Variants in NBAS observed in about 807,000 individuals in gnomAD.
NBAS encodes the protein NBAS subunit of NRZ tethering complex.
In NBAS, 219 loss-of-function variants were observed where a neutral mutation model predicts 302.5. The ratio of observed to expected loss-of-function variants is 0.72; its 90% CI spans 0.65 to 0.81. The LOEUF (loss-of-function observed/expected upper bound fraction) is 0.81, where lower values mean the gene tolerates loss of function less well. Among genes scored for constraint, NBAS ranks in the 30% least tolerant of loss-of-function variants. The probability of loss-of-function intolerance (pLI) is 0.00; values close to 1 mark genes in which losing one functional copy is unlikely to be tolerated. For synonymous variants in NBAS, 1,118 were observed against 1,021.6 expected (o/e 1.09, Z -1.80); for missense variants, 2,932 against 2,841.6 (o/e 1.03, Z -0.72).
At chr2:15,098,606 GTATATAATGTATTATATATTGTATAT>G in the NBAS span, among the ~76,000 whole-genome samples, 1 of 88,228 alleles carries the variant, frequency 1.1e-5, no homozygotes, top group Non-Finnish European at 2.1e-5. Flanking sequence ...ATTATATATT[GTATATAATGTATTATATATTGTATAT>G]TATATATTAT....
chr2:14,913,428 C>A, the NBAS span, among the ~76,000 whole-genome samples: 2 of 152,046 alleles, frequency 1.3e-5, no homozygotes, highest in Non-Finnish European at 2.9e-5. Context: ...GAGCCCATGC[C>A]TGAAATCATA....
intron 9 of NBAS, among the ~76,000 whole-genome samples, chr2:15,515,132 T>C (rs757762260): frequency 2.0e-5 from 3 of 152,048 alleles, no homozygotes; most frequent in Non-Finnish European, 2.9e-5. Flanking sequence ...TGAATCAACA[T>C]CTTCACAAAA....
At position 15,423,344 on chromosome 2, in the gene NBAS, A is replaced by G. The variant is rs1572826979; in HGVS notation, c.2577+971T>C. Among the ~76,000 whole-genome samples, 4 of 152,304 alleles carry G rather than the reference A, an allele frequency of 2.6e-5. No homozygotes were observed. In the South Asian group the frequency reaches 8.3e-4, roughly 32 times the overall value. On this transcript the variant is annotated intron_variant, in intron 23 of 51. Coordinates refer to ENST00000281513, the MANE Select transcript of NBAS (RefSeq NM_015909.4). Reference sequence around the variant, plus strand: ...AAGAGTTTAGTCTAGAATATTCCCAACAGCTCAGCAAATAATTCATCTTCA... The same window carrying G: ...AAGAGTTTAGTCTAGAATATTCCCAGCAGCTCAGCAAATAATTCATCTTCA...
chr2:14,836,337 T>A, the NBAS span, among the ~76,000 whole-genome samples: 1 of 151,808 alleles, frequency 6.6e-6, no homozygotes, highest in Non-Finnish European at 1.5e-5. Flanking sequence ...ATGCTTTTTG[T>A]GTCTAGGTTT....
chr2:15,239,806 C>CA (rs1667781693), intron 44 of NBAS, among the ~76,000 whole-genome samples: 2 of 151,896 alleles, frequency 1.3e-5, no homozygotes, highest in Non-Finnish European at 2.9e-5. Flanking sequence ...TTCAGTGACA[C>CA]GCATCAGATT....
At chr2:15,287,328 G>A (rs1670091051) in intron 41 of NBAS, 145 bp from the exon 42 acceptor site, 1 of 701,876 alleles carries the variant, frequency 1.4e-6, no homozygotes, top group Admixed American at 2.1e-5. Context: ...CAGTGATCCA[G>A]GAAAAGTACT....
At chr2:14,855,079 C>A in the NBAS span, among the ~76,000 whole-genome samples, 3 of 151,864 alleles carry the variant, frequency 2.0e-5, no homozygotes, top group South Asian at 6.2e-4. Flanking sequence ...CAGGATACAC[C>A]CCAGCCACAG....
At chr2:15,431,231 A>C (rs1026252159) in intron 21 of NBAS, among the ~76,000 whole-genome samples, 3 of 152,166 alleles carry the variant, frequency 2.0e-5, no homozygotes, top group African/African-American at 7.2e-5. Flanking sequence ...GTCTAATAAA[A>C]CTAATATCTA....
chr2:15,106,745 T>G, the NBAS span, among the ~76,000 whole-genome samples: 20 of 152,040 alleles, frequency 1.3e-4, no homozygotes, highest in Non-Finnish European at 7.4e-5. Context: ...ACACAAGGAT[T>G]CAAGGGAAAA....
At chr2:15,237,166 T>C (rs1667632150) in intron 45 of NBAS, among the ~76,000 whole-genome samples, 1 of 152,212 alleles carries the variant, frequency 6.6e-6, no homozygotes, top group Non-Finnish European at 1.5e-5. Flanking sequence ...TTCACTTACA[T>C]GGAAATCATT....
At chr2:14,860,658 T>C in the NBAS span, among the ~76,000 whole-genome samples, 2 of 152,150 alleles carry the variant, frequency 1.3e-5, no homozygotes, top group Admixed American at 6.6e-5. Context: ...GAGATTAGAT[T>C]GGCAGTTACC....
chr2:14,961,104 CT>C, the NBAS span, among the ~76,000 whole-genome samples: 2 of 152,226 alleles, frequency 1.3e-5, no homozygotes, highest in Middle Eastern at 3.4e-3. Context: ...GAGGGGTTGA[CT>C]CTCTGTGGTA....
rs777949717 is a variant in NBAS, at chr2:15,186,929, T to C, written c.6573-49A>G. ...AAGGCACTGGAAATGACTAAAGTTA[T>C]CATAATTGTGATAAATTTTAAAACA... On this transcript the variant is annotated intron_variant, in intron 49 of 51. Coordinates refer to ENST00000281513, the MANE Select transcript of NBAS (RefSeq NM_015909.4). 13 of 1,611,142 alleles carry C rather than the reference T, an allele frequency of 8.1e-6. No homozygotes were observed. In the Admixed American group the frequency reaches 2.0e-4, roughly 25 times the overall value.
chr2:15,372,804 T>C (rs1366909707), intron 31 of NBAS, among the ~76,000 whole-genome samples: 2 of 152,180 alleles, frequency 1.3e-5, no homozygotes, highest in Non-Finnish European at 2.9e-5. Context: ...GCAGCTGATA[T>C]ACACATATTA....
downstream of NBAS, among the ~76,000 whole-genome samples, chr2:15,166,486 C>T (rs571777029): frequency 8.5e-5 from 13 of 152,202 alleles, no homozygotes; most frequent in South Asian, 2.1e-4. Flanking sequence ...TCTTCAGCTC[C>T]GGCTGTGTAT....
At chr2:15,006,104 T>A in the NBAS span, among the ~76,000 whole-genome samples, 1 of 152,162 alleles carries the variant, frequency 6.6e-6, no homozygotes, top group Non-Finnish European at 1.5e-5. Flanking sequence ...CTCAATAAGT[T>A]TACATGAATT....
the NBAS span, among the ~76,000 whole-genome samples, chr2:15,131,307 G>A: frequency 6.6e-6 from 1 of 152,154 alleles, no homozygotes; most frequent in Non-Finnish European, 1.5e-5. Flanking sequence ...TCCAGGAGGA[G>A]AACGAGACTA....
Position 15,556,779 on chromosome 2 carries a change from T to G in NBAS, c.209+4A>C, listed in dbSNP as rs769696485. On this transcript the variant is annotated splice_donor_region_variant and intron_variant, in intron 3 of 51. Transcript: ENST00000281513. ...ACTGTTTCTCTGAAGAACCGAAGAC[T>G]CACCTGTACCAGATGTATTGGCGTA... 6.2e-7 allele frequency: 1 copy of G among 1,607,948 alleles called. No individual in the cohort carries two copies. The highest frequency in any genetic ancestry group is 8.5e-7 in the Non-Finnish European group (1 of 1,174,640).
At chr2:15,146,682 T>C in the NBAS span, among the ~76,000 whole-genome samples, 1 of 151,974 alleles carries the variant, frequency 6.6e-6, no homozygotes, top group Non-Finnish European at 1.5e-5. Context: ...CAGGGAGCAA[T>C]AGGGAGCACC....
Sources: gnomAD v4.1 joint callset for allele counts (sites outside exome capture counted in the v4.1 genomes callset) on GRCh38, gnomAD v4.1.1 for gene constraint, MANE v1.5 for transcripts, NCBI Gene and HGNC (gene_info 2026-07-23, HGNC 2026-07-21) for gene names.